MAD1L1: variants seen among roughly 807,000 people sequenced by gnomAD.
MAD1L1 encodes mitotic arrest deficient 1 like 1.
A neutral mutation model predicts 96.9 loss-of-function variants in MAD1L1; 95 were observed. The ratio of observed to expected loss-of-function variants is 0.98; its 90% CI spans 0.83 to 1.16. The LOEUF (loss-of-function observed/expected upper bound fraction) is 1.16, where lower values mean the gene tolerates loss of function less well. MAD1L1 is among the 50% of genes most tolerant of loss of function. The pLI, the probability that MAD1L1 is intolerant of heterozygous loss-of-function variation, is 0.00. For synonymous variants in MAD1L1, 473 were observed against 396.6 expected (o/e 1.19, Z -2.29); for missense variants, 1,007 against 954.4 (o/e 1.06, Z -0.73).
At chr7:1,973,945 G>C (rs956348386) in intron 15 of MAD1L1, among the ~76,000 whole-genome samples, 3 of 152,232 alleles carry the variant, frequency 2.0e-5, no homozygotes, top group Non-Finnish European at 4.4e-5. Flanking sequence ...GCTGGGGCAG[G>C]AGACGCGCTC....
At chr7:1,871,094 C>T (rs111891195) in intron 18 of MAD1L1, among the ~76,000 whole-genome samples, 6 of 143,588 alleles carry the variant, frequency 4.2e-5, no homozygotes, top group Admixed American at 2.1e-4. Context: ...ACACCTGCCA[C>T]GCTGAACCCA....
chr7:2,073,758 T>A (rs1317305376), intron 11 of MAD1L1, among the ~76,000 whole-genome samples: 1 of 152,140 alleles, frequency 6.6e-6, no homozygotes, highest in Non-Finnish European at 1.5e-5. Context: ...GAAAAGCTCA[T>A]CCGCCAGGTT....
At chr7:2,092,536 T>G (rs1786271197) in intron 11 of MAD1L1, among the ~76,000 whole-genome samples, 1 of 152,130 alleles carries the variant, frequency 6.6e-6, no homozygotes, top group African/African-American at 2.4e-5. Context: ...TCGGTGACTG[T>G]GTTTTCAACC....
At chr7:1,945,358 A>AT (rs1779181758) in intron 16 of MAD1L1, among the ~76,000 whole-genome samples, 1 of 152,220 alleles carries the variant, frequency 6.6e-6, no homozygotes, top group Non-Finnish European at 1.5e-5. Context: ...GAATGAATGC[A>AT]TGATGATGAT....
intron 12 of MAD1L1, among the ~76,000 whole-genome samples, chr7:2,018,265 A>C (rs1380207780): frequency 5.9e-5 from 9 of 152,218 alleles, no homozygotes; most frequent in Non-Finnish European, 1.3e-4. Flanking sequence ...ACTCAACCAC[A>C]CAGGAGAGGG....
chr7:1,933,427 T>A (rs1242019858), intron 17 of MAD1L1, among the ~76,000 whole-genome samples: 5 of 152,164 alleles, frequency 3.3e-5, no homozygotes, highest in Non-Finnish European at 7.4e-5. Flanking sequence ...GGGTGTGCGA[T>A]CCAGGCCCAC....
chr7:2,109,313 G>A (rs1046969696), intron 11 of MAD1L1, among the ~76,000 whole-genome samples: 6 of 152,208 alleles, frequency 3.9e-5, no homozygotes, highest in Non-Finnish European at 2.9e-5. Flanking sequence ...CACTGGAGGC[G>A]CACACACAAT....
chr7:1,936,625 C>T (rs1778618510), intron 17 of MAD1L1, 62 bp downstream of exon 17: 1 of 1,489,986 alleles, frequency 6.7e-7, no homozygotes. Context: ...CCCAAAGGCG[C>T]ACGGATGGAC....
intron 12 of MAD1L1, among the ~76,000 whole-genome samples, chr7:2,066,986 T>C (rs977355045): frequency 6.6e-6 from 1 of 152,212 alleles, no homozygotes; most frequent in African/African-American, 2.4e-5. Flanking sequence ...GCTGCCCTCC[T>C]GTGGGGGCCA....
At chr7:1,934,273 C>T (rs1022293387) in intron 17 of MAD1L1, among the ~76,000 whole-genome samples, 3 of 152,236 alleles carry the variant, frequency 2.0e-5, no homozygotes, top group Non-Finnish European at 4.4e-5. Flanking sequence ...CTTCGCACCC[C>T]CCACTCCCAA....
chr7:2,222,178 A>T (rs1793643443), intron 5 of MAD1L1, among the ~76,000 whole-genome samples: 1 of 150,708 alleles, frequency 6.6e-6, no homozygotes, highest in African/African-American at 2.5e-5. Context: ...GGTTCAAGCG[A>T]TTCTCCTGCC....
chr7:2,030,400 G>T (rs542600791), intron 12 of MAD1L1, among the ~76,000 whole-genome samples: 16 of 152,232 alleles, frequency 1.1e-4, no homozygotes, highest in African/African-American at 3.4e-4. Flanking sequence ...AATAATTTCC[G>T]TATAGCAGCT....
At chr7:2,231,006 C>T (rs1794164383) in intron 1 of MAD1L1, among the ~76,000 whole-genome samples, 1 of 152,226 alleles carries the variant, frequency 6.6e-6, no homozygotes, top group Admixed American at 6.5e-5. Context: ...CTACCAGGAG[C>T]ACTCACAGCA....
chr7:2,053,170 CA>C (rs1784256020), intron 12 of MAD1L1, among the ~76,000 whole-genome samples: 1 of 152,252 alleles, frequency 6.6e-6, no homozygotes, highest in Admixed American at 6.5e-5. Flanking sequence ...ACATTGCTGA[CA>C]TTAGCTCAGG....
At chr7:2,133,780 C>A (rs970001418) in intron 11 of MAD1L1, among the ~76,000 whole-genome samples, 3 of 152,204 alleles carry the variant, frequency 2.0e-5, no homozygotes, top group Admixed American at 6.5e-5. Flanking sequence ...TGTTCCAGCA[C>A]CATTTGCTGA....
chr7:1,920,187 G>T (rs1425373481), intron 17 of MAD1L1, among the ~76,000 whole-genome samples: 1 of 152,196 alleles, frequency 6.6e-6, no homozygotes, highest in Non-Finnish European at 1.5e-5. Flanking sequence ...CAGCTCTCGG[G>T]ACTTGCCTGT....
intron 11 of MAD1L1, among the ~76,000 whole-genome samples, chr7:2,086,513 G>A (rs1309835000): frequency 2.0e-5 from 3 of 152,200 alleles, no homozygotes; most frequent in East Asian, 1.9e-4. Flanking sequence ...AGCCGTAAAC[G>A]CTGCAGGCAG....
intron 16 of MAD1L1, among the ~76,000 whole-genome samples, chr7:1,947,490 G>A (rs1489123120): frequency 6.6e-6 from 1 of 152,272 alleles, no homozygotes. Context: ...AGGAGAGCGA[G>A]GCAGCTCGGG....
At chr7:2,071,533 C>A (rs10253087) in intron 11 of MAD1L1, among the ~76,000 whole-genome samples, 18,816 of 152,300 alleles carry the variant, frequency 0.12, 2,863 homozygotes, top group African/African-American at 0.36. Flanking sequence ...CAATGACTGA[C>A]GGTGGCTGCA....
Sources: gnomAD v4.1 joint callset for allele counts (sites outside exome capture counted in the v4.1 genomes callset) on GRCh38, gnomAD v4.1.1 for gene constraint, MANE v1.5 for transcripts, NCBI Gene and HGNC (gene_info 2026-07-23, HGNC 2026-07-21) for gene names.